The following FBXL4 variants were observed in gnomAD, a reference collection of about 807,000 sequenced individuals.
FBXL4 encodes F-box/LRR-repeat protein 4.
FBXL4 carries 40 observed loss-of-function variants against 58.9 expected under a neutral mutation model. That is an observed-to-expected ratio of 0.68 (90% CI 0.53 to 0.88). The LOEUF (loss-of-function observed/expected upper bound fraction) is 0.88. Ranked by LOEUF, FBXL4 falls within the 40% of genes least tolerant of loss-of-function variation. FBXL4 has a pLI of 0.00. For missense variants in FBXL4, 676 were observed against 734.4 expected (o/e 0.92, Z 0.92); for synonymous variants, 263 against 265.5 (o/e 0.99, Z 0.09).
At chr6:98,879,664 C>T (rs1770775300) in intron 8 of FBXL4, among the ~76,000 whole-genome samples, 1 of 151,910 alleles carries the variant, frequency 6.6e-6, no homozygotes, top group African/African-American at 2.4e-5. Flanking sequence ...GGGCGGATCA[C>T]AAGGTCAGGA....
At chr6:98,894,656 G>T (rs1771350883) in intron 7 of FBXL4, among the ~76,000 whole-genome samples, 1 of 152,128 alleles carries the variant, frequency 6.6e-6, no homozygotes, top group Non-Finnish European at 1.5e-5. Flanking sequence ...GTCTTTTATT[G>T]ATGTAATAGT....
chr6:98,874,421 C>T lies in FBXL4; in HGVS notation c.1723G>A (p.Ala575Thr), dbSNP rs200435702. 5 of 1,607,432 alleles carry T rather than the reference C, an allele frequency of 3.1e-6. No individual in the cohort carries two copies. The highest frequency in any genetic ancestry group is 4.2e-6 in the Non-Finnish European group (5 of 1,178,440). The change falls in exon 10 of 10, where the codon GCA (alanine) becomes ACA (threonine). Residue 575 changes from alanine to threonine, a missense_variant. Coordinates refer to ENST00000369244, the MANE Select transcript of FBXL4 (RefSeq NM_001278716.2). ...GATTCCAGGAGTTTTCTTAAGGATGCCGGACTTACCATTCTTGTTCCTATT... is the reference window on the plus strand; with the variant it reads ...GATTCCAGGAGTTTTCTTAAGGATGTCGGACTTACCATTCTTGTTCCTATT... ...DILGTRMVSP[A>T]SLRKLLESCK...
intron 7 of FBXL4, chr6:98,897,057 A>G (rs955966193): frequency 2.0e-6 from 2 of 984,294 alleles, no homozygotes; most frequent in Admixed American, 1.2e-4. Flanking sequence ...GCAAGTTAAT[A>G]TTTTTTTGGT....
intron 5 of FBXL4, among the ~76,000 whole-genome samples, chr6:98,907,527 C>A (rs898694659): frequency 6.6e-6 from 1 of 152,174 alleles, no homozygotes; most frequent in Non-Finnish European, 1.5e-5. Context: ...AAATTATCTT[C>A]TTGAACTAGT....
intron 8 of FBXL4, among the ~76,000 whole-genome samples, chr6:98,879,942 CAAAAAAAAAAA>C (rs57952065): frequency 6.4e-5 from 4 of 62,566 alleles, no homozygotes; most frequent in East Asian, 3.8e-4. Flanking sequence ...GACTCCATCT[CAAAAAAAAAAA>C]AAAAAAAAAA....
intron 1 of FBXL4, among the ~76,000 whole-genome samples, chr6:98,941,007 T>G (rs1773410889): frequency 6.6e-6 from 1 of 152,164 alleles, no homozygotes; most frequent in African/African-American, 2.4e-5. Flanking sequence ...AAAAACAGTT[T>G]CACGGTTTAT....
intron 5 of FBXL4, among the ~76,000 whole-genome samples, chr6:98,911,020 G>A (rs1462716587): frequency 6.6e-6 from 1 of 152,134 alleles, no homozygotes; most frequent in African/African-American, 2.4e-5. Context: ...CGCACCAGGA[G>A]ATTATATCCC....
In FBXL4 at chr6:98,874,421, C is replaced by A. The variant is rs200435702; in HGVS notation, c.1723G>T (p.Ala575Ser). ...GATTCCAGGAGTTTTCTTAAGGATG[C>A]CGGACTTACCATTCTTGTTCCTATT... The part of the protein sequence containing the change: ...DILGTRMVSP[A>S]SLRKLLESCK... The change falls in exon 10 of 10, where the codon GCA becomes TCA. Residue 575 changes from alanine to serine, a missense_variant. Ala to Ser is a moderately conservative substitution (Grantham distance 99, BLOSUM62 1). Transcript: ENST00000369244. 1.0e-4 allele frequency: 161 copies of A among 1,607,430 alleles called. 1 individual carries two copies. The highest frequency in any genetic ancestry group is 1.9e-4 in the Admixed American group (11 of 57,534).
At chr6:98,925,802 T>C (rs1184003796) in intron 4 of FBXL4, among the ~76,000 whole-genome samples, 2 of 152,190 alleles carry the variant, frequency 1.3e-5, no homozygotes, top group Non-Finnish European at 2.9e-5. Flanking sequence ...AAAGAAATTC[T>C]GGAAAGATAC....
At chr6:98,909,751 C>T (rs994879439) in intron 5 of FBXL4, among the ~76,000 whole-genome samples, 1 of 152,106 alleles carries the variant, frequency 6.6e-6, no homozygotes, top group Non-Finnish European at 1.5e-5. Context: ...CCAAACCCAG[C>T]TTTTCCTTCA....
At chr6:98,914,505 T>G (rs1157495073) in intron 5 of FBXL4, among the ~76,000 whole-genome samples, 19 of 152,244 alleles carry the variant, frequency 1.2e-4, no homozygotes, top group Admixed American at 1.2e-3. Context: ...GATGCAAGGC[T>G]GGTTCAATAT....
intron 5 of FBXL4, among the ~76,000 whole-genome samples, chr6:98,914,229 T>C (rs1019996043): frequency 2.4e-4 from 37 of 152,076 alleles, no homozygotes; most frequent in Non-Finnish European, 2.9e-4. Context: ...CCGAATTTTA[T>C]CAGAGGTACA....
intron 5 of FBXL4, among the ~76,000 whole-genome samples, chr6:98,911,132 G>A (rs980925810): frequency 3.3e-5 from 5 of 152,188 alleles, no homozygotes; most frequent in Non-Finnish European, 5.9e-5. Context: ...GGGGAGGGGC[G>A]CCTGCCATTG....
chr6:98,944,591 A>G (rs1773550238), intron 1 of FBXL4, among the ~76,000 whole-genome samples: 1 of 152,222 alleles, frequency 6.6e-6, no homozygotes, highest in Non-Finnish European at 1.5e-5. Flanking sequence ...TCATATAAGT[A>G]GAGGCACTGA....
At chr6:98,875,367 T>C (rs779440755) in intron 9 of FBXL4, 48 bp downstream of exon 9, 2 of 1,588,944 alleles carry the variant, frequency 1.3e-6, no homozygotes, top group Non-Finnish European at 1.7e-6. Context: ...TTGGCTTTTC[T>C]GTCAAGGAAA....
intron 7 of FBXL4, among the ~76,000 whole-genome samples, chr6:98,890,914 A>G (rs1272978295): frequency 6.6e-6 from 1 of 152,066 alleles, no homozygotes. Flanking sequence ...GCGAGACTCC[A>G]TTTCAAAAAC....
chr6:98,937,096 G>A lies in FBXL4; in HGVS notation c.-308-2217C>T, dbSNP rs148810364. 4.5e-3 allele frequency among the ~76,000 whole-genome samples: 678 copies of A among 152,240 alleles called. 6 individuals are homozygous for A. Among genetic ancestry groups the A allele is most frequent in the African/African-American group, 0.015 (634 of 41,538 alleles). ...AAACTGAGGCAGGTGGATCACCAGA[G>A]GTCAGGAGTTTGAGACCAGCCTGGC... On this transcript the variant is annotated intron_variant, in intron 1 of 9. Coordinates refer to ENST00000369244, the MANE Select transcript of FBXL4 (RefSeq NM_001278716.2).
chr6:98,901,876 T>TCTA (rs2128390890), intron 6 of FBXL4, among the ~76,000 whole-genome samples: 1 of 152,294 alleles, frequency 6.6e-6, no homozygotes, highest in African/African-American at 2.4e-5. Context: ...GTCAATTCAT[T>TCTA]CTACATTGTG....
intron 7 of FBXL4, among the ~76,000 whole-genome samples, chr6:98,889,965 C>A (rs1027975702): frequency 6.6e-6 from 1 of 152,036 alleles, no homozygotes; most frequent in Non-Finnish European, 1.5e-5. Flanking sequence ...ATAAAAATAA[C>A]CAATATTTAT....
Sources: allele counts gnomAD v4.1 joint callset (sites outside exome capture counted in the v4.1 genomes callset), GRCh38; gene constraint gnomAD v4.1.1; transcripts MANE v1.5; gene names NCBI Gene and HGNC (gene_info 2026-07-23, HGNC 2026-07-21).